BRD7: variants seen among roughly 807,000 people sequenced by gnomAD.
BRD7 encodes the protein bromodomain-containing protein 7.
Under a neutral mutation model 82.1 loss-of-function variants are expected in BRD7, and 15 were observed. The observed-to-expected ratio is 0.18, with a 90% CI of 0.12 to 0.28. The LOEUF (loss-of-function observed/expected upper bound fraction) is 0.28, where lower values mean the gene tolerates loss of function less well. BRD7 is among the 10% of genes least tolerant of loss of function. BRD7 has a pLI of 1.00. For synonymous variants in BRD7, 232 were observed against 266.9 expected, an observed-to-expected ratio of 0.87 and a Z score of 1.27; for missense variants, 638 against 779.9, an observed-to-expected ratio of 0.82 and a Z score of 2.17.
chr16:50,362,275 G>A (rs1427676516), intron 2 of BRD7, among the ~76,000 whole-genome samples: 1 of 152,198 alleles, frequency 6.6e-6, no homozygotes, highest in Non-Finnish European at 1.5e-5. Flanking sequence ...GTGGGCAGAG[G>A]TTGGTGCCTA....
intron 14 of BRD7, 82 bp downstream of exon 14, chr16:50,320,581 T>C: frequency 7.2e-7 from 1 of 1,386,778 alleles, no homozygotes; most frequent in East Asian, 2.3e-5. Flanking sequence ...TGAATGGCTA[T>C]GTTAATCTGT....
chr16:50,368,820 G>C lies in BRD7; in HGVS notation c.-46C>G, dbSNP rs949541809. Reference sequence around the variant, plus strand: ...CCGCCCCCCGCGCCAGGCCCAGGCCGTGCGGCGCCGCTTCCGGTCCGGGCC... The same window carrying C: ...CCGCCCCCCGCGCCAGGCCCAGGCCCTGCGGCGCCGCTTCCGGTCCGGGCC... On this transcript the variant is annotated 5_prime_UTR_variant, in exon 1 of 17. Coordinates refer to ENST00000394688, the MANE Select transcript of BRD7 (RefSeq NM_013263.5). The C allele has an allele frequency of 1.3e-5, 19 of 1,417,858 alleles. No individual in the cohort carries two copies. In the African/African-American group the frequency reaches 1.5e-4, roughly 11 times the overall value. 87.8% of individuals were successfully genotyped at this position (1,417,858 alleles called of 1,614,324 possible).
At chr16:50,357,050 C>G (rs1340604764) in intron 2 of BRD7, among the ~76,000 whole-genome samples, 1 of 150,490 alleles carries the variant, frequency 6.6e-6, no homozygotes, top group African/African-American at 2.5e-5. Context: ...TTGCAAGAAA[C>G]AAAAATTTTA....
At chr16:50,339,408 C>A (rs2037952243) in intron 6 of BRD7, among the ~76,000 whole-genome samples, 1 of 152,198 alleles carries the variant, frequency 6.6e-6, no homozygotes, top group Non-Finnish European at 1.5e-5. Context: ...GGCTAGGAAC[C>A]TATACAGCAT....
chr16:50,347,013 A>G (rs1360848438), intron 5 of BRD7, among the ~76,000 whole-genome samples: 1 of 152,248 alleles, frequency 6.6e-6, no homozygotes, highest in Non-Finnish European at 1.5e-5. Flanking sequence ...AATCCTCAAT[A>G]AAATACTGGC....
chr16:50,361,337 C>G (rs1277224489), intron 2 of BRD7, among the ~76,000 whole-genome samples: 2 of 152,170 alleles, frequency 1.3e-5, no homozygotes, highest in African/African-American at 4.8e-5. Flanking sequence ...TGTGTTAATG[C>G]TTTTGAGTAA....
chr16:50,363,465 G>A (rs562850866), intron 2 of BRD7, among the ~76,000 whole-genome samples: 3 of 152,292 alleles, frequency 2.0e-5, no homozygotes, highest in South Asian at 2.1e-4. Flanking sequence ...ACCAAAGCAC[G>A]TTGTACCCCT....
At chr16:50,354,515 A>C in intron 3 of BRD7, 33 bp from the exon 4 acceptor site, 1 of 1,554,406 alleles carries the variant, frequency 6.4e-7, no homozygotes, top group South Asian at 1.1e-5. Flanking sequence ...AGGGTATTTT[A>C]AAAAGGAGTA....
chr16:50,334,928 T>G (rs761819813), intron 6 of BRD7, 33 bp from the exon 7 acceptor site: 28 of 1,593,358 alleles, frequency 1.8e-5, no homozygotes, highest in Non-Finnish European at 2.1e-5. Context: ...TTATTATATG[T>G]TTGTCATTAA....
At chr16:50,341,177 TAC>T (rs57755008) in intron 5 of BRD7, among the ~76,000 whole-genome samples, 3,854 of 137,096 alleles carry the variant, frequency 0.028, 71 homozygotes, top group African/African-American at 0.06. Flanking sequence ...AGACCTTAAG[TAC>T]ACACACACAC....
rs760005909 is a variant in BRD7 at position 50,319,989 on chromosome 16, C to T, written c.1798G>A (p.Val600Ile). ...TNNLKELAQQ[V>I]TPGDIVSTYG... is the part of the protein sequence containing the mutation. The stretch of plus-strand genomic sequence containing the variant: ...GTGCTTACGATATCACCTGGAGTTA[C>T]TTGCTGTGCAAGTTCTTTAAGATTA... Residue 600 changes from valine (V) to isoleucine (I), a missense_variant, in exon 16 of 17, where the codon GTA becomes ATA. This residue lies in a region of BRD7 where 402 missense variants were observed against 500.8 expected (regional missense o/e 0.80). Coordinates refer to ENST00000394688, the MANE Select transcript of BRD7 (RefSeq NM_013263.5). 7.4e-6 allele frequency: 12 copies of T among 1,612,536 alleles called. No individual in the cohort carries two copies. Among genetic ancestry groups the T allele is most frequent in the Non-Finnish European group, 1.0e-5 (12 of 1,179,606 alleles).
chr16:50,362,471 T>C (rs1394391256), intron 2 of BRD7, among the ~76,000 whole-genome samples: 1 of 152,182 alleles, frequency 6.6e-6, no homozygotes, highest in African/African-American at 2.4e-5. Flanking sequence ...GAAGTGAAAG[T>C]AGGGGTCCTG....
intron 2 of BRD7, among the ~76,000 whole-genome samples, chr16:50,359,780 A>G (rs770345218): frequency 2.6e-5 from 4 of 152,182 alleles, no homozygotes; most frequent in Non-Finnish European, 5.9e-5. Flanking sequence ...AATAATTTAG[A>G]CTGGACAAGT....
chr16:50,362,403 T>C (rs772358236), intron 2 of BRD7, among the ~76,000 whole-genome samples: 1 of 152,200 alleles, frequency 6.6e-6, no homozygotes, highest in Non-Finnish European at 1.5e-5. Flanking sequence ...AATTTTCTCA[T>C]TAATAAAAGA....
intron 2 of BRD7, among the ~76,000 whole-genome samples, chr16:50,365,973 G>A (rs193083797): frequency 7.0e-6 from 1 of 142,058 alleles, no homozygotes; most frequent in East Asian, 2.2e-4. Flanking sequence ...GAACACTGAA[G>A]ATAAGGGGGG....
At chr16:50,346,933 C>T (rs982970807) in intron 5 of BRD7, among the ~76,000 whole-genome samples, 7 of 152,272 alleles carry the variant, frequency 4.6e-5, no homozygotes, top group African/African-American at 1.7e-4. Flanking sequence ...ATCCTGATAC[C>T]AAAGCCTGGT....
chr16:50,326,497 C>A, intron 9 of BRD7, 106 bp from the exon 10 acceptor site: 1 of 676,898 alleles, frequency 1.5e-6, no homozygotes, highest in Non-Finnish European at 2.4e-6. Context: ...TCTGCATGAC[C>A]GTGAAGGAGG....
intron 4 of BRD7, among the ~76,000 whole-genome samples, chr16:50,353,908 A>C (rs963100809): frequency 6.6e-6 from 1 of 152,016 alleles, no homozygotes; most frequent in African/African-American, 2.4e-5. Flanking sequence ...CAAAATAAAT[A>C]TTTTAATAAA....
chr16:50,322,788 T>A (rs1005459655), intron 12 of BRD7, among the ~76,000 whole-genome samples: 1 of 152,152 alleles, frequency 6.6e-6, no homozygotes, highest in Admixed American at 6.5e-5. Flanking sequence ...GGTAAAAAAA[T>A]ATGTATTTTT....
Sources: gnomAD v4.1 joint callset for allele counts (sites outside exome capture counted in the v4.1 genomes callset) on GRCh38, gnomAD v4.1.1 for gene constraint, gnomAD v4.1.1 regional missense constraint, MANE v1.5 for transcripts, NCBI Gene and HGNC (gene_info 2026-07-23, HGNC 2026-07-21) for gene names.